FRMD4A: variants seen among roughly 807,000 people sequenced by gnomAD.
FRMD4A encodes the protein FERM domain-containing protein 4A.
Under a neutral mutation model 129.1 loss-of-function variants are expected in FRMD4A, and 29 were observed. The ratio of observed to expected loss-of-function variants is 0.22; its 90% CI spans 0.17 to 0.31. The LOEUF (loss-of-function observed/expected upper bound fraction) is 0.31, where lower values mean the gene tolerates loss of function less well. Among genes scored for constraint, FRMD4A ranks in the 10% least tolerant of loss-of-function variants. The pLI is 1.00. For synonymous variants in FRMD4A, 634 were observed against 571.6 expected, an observed-to-expected ratio of 1.11 and a Z score of -1.56; for missense variants, 1,272 against 1,375.8, an observed-to-expected ratio of 0.92 and a Z score of 1.19.
rs185163747 is a variant in FRMD4A at position 13,692,291 on chromosome 10, G to A, written c.1117+1607C>T. Reference sequence around the variant, plus strand: ...AGCCTCCCAAGTAGTGGGCTTATAGGTGTGCACCACCACACTCGGCTAATT... The same window carrying A: ...AGCCTCCCAAGTAGTGGGCTTATAGATGTGCACCACCACACTCGGCTAATT... On this transcript the variant is annotated intron_variant, in intron 15 of 24. Coordinates refer to ENST00000357447, the MANE Select transcript of FRMD4A (RefSeq NM_018027.5). 2.0e-5 allele frequency: 3 copies of A among 152,180 alleles called. No individual in the cohort carries two copies. In the East Asian group the frequency reaches 5.8e-4, roughly 30 times the overall value. 9.4% of individuals were successfully genotyped at this position (152,180 alleles called of 1,614,324 possible).
intron 2 of FRMD4A, among the ~76,000 whole-genome samples, chr10:14,237,067 C>T (rs1206661969): frequency 7.0e-6 from 1 of 142,448 alleles, no homozygotes; most frequent in African/African-American, 2.6e-5. Flanking sequence ...GAGATGGGGT[C>T]TTGCTATGCT....
intron 2 of FRMD4A, among the ~76,000 whole-genome samples, chr10:14,307,745 C>T (rs1436135083): frequency 6.6e-6 from 1 of 152,076 alleles, no homozygotes; most frequent in Non-Finnish European, 1.5e-5. Flanking sequence ...CATTTATATG[C>T]TTTCTCAAGC....
At chr10:14,109,090 G>A (rs1347998833) in intron 2 of FRMD4A, among the ~76,000 whole-genome samples, 1 of 151,940 alleles carries the variant, frequency 6.6e-6, no homozygotes, top group Non-Finnish European at 1.5e-5. Context: ...GGCTCTCCAA[G>A]GGTTGAAGAG....
chr10:14,055,438 TACAC>T (rs71388154), intron 2 of FRMD4A, among the ~76,000 whole-genome samples: 54 of 137,026 alleles, frequency 3.9e-4, no homozygotes, highest in African/African-American at 1.3e-3. Context: ...CTGATCTAGC[TACAC>T]ACACACACAC....
At position 13,983,676 on chromosome 10, in the gene FRMD4A, G is replaced by C. The variant is rs529004273; in HGVS notation, c.46-124764C>G. ...AGACCAGGAGATACCTAGGAGGTGAGAGCCATCTGTTAGATCTGTTAATGT... is the reference window on the plus strand; with the variant it reads ...AGACCAGGAGATACCTAGGAGGTGACAGCCATCTGTTAGATCTGTTAATGT... On this transcript the variant is annotated intron_variant, in intron 2 of 24. Transcript: ENST00000357447. Among the ~76,000 whole-genome samples, 3 of 152,190 alleles carry C rather than the reference G, an allele frequency of 2.0e-5. No homozygotes were observed. In the East Asian group the frequency reaches 5.8e-4, roughly 30 times the overall value.
intron 2 of FRMD4A, among the ~76,000 whole-genome samples, chr10:14,260,378 C>T (rs746864182): frequency 2.6e-5 from 4 of 152,202 alleles, no homozygotes; most frequent in Non-Finnish European, 5.9e-5. Flanking sequence ...CAAATATTGA[C>T]ACCACATGGT....
At chr10:13,741,442 C>A (rs765987072) in intron 9 of FRMD4A, among the ~76,000 whole-genome samples, 1 of 152,004 alleles carries the variant, frequency 6.6e-6, no homozygotes, top group Non-Finnish European at 1.5e-5. Flanking sequence ...CAGAGTGAGA[C>A]CCTGGCTCAA....
chr10:13,676,405 G>C (rs527588829), intron 15 of FRMD4A, among the ~76,000 whole-genome samples: 1 of 150,510 alleles, frequency 6.6e-6, no homozygotes, highest in South Asian at 2.1e-4. Flanking sequence ...TGGGATTACA[G>C]GCACCCGCCA....
intron 21 of FRMD4A, among the ~76,000 whole-genome samples, 173 bp from the exon 22 acceptor site, chr10:13,657,695 C>T (rs899416518): frequency 2.0e-5 from 3 of 152,056 alleles, no homozygotes; most frequent in Admixed American, 6.5e-5. Flanking sequence ...CCGGGAACTG[C>T]CCATTGCGGG....
At chr10:14,116,555 TA>T (rs766413562) in intron 2 of FRMD4A, among the ~76,000 whole-genome samples, 2 of 152,138 alleles carry the variant, frequency 1.3e-5, no homozygotes, top group Non-Finnish European at 2.9e-5. Context: ...GAGATGGCCA[TA>T]GGGGTGGAGG....
Position 14,139,368 on chromosome 10 carries a change from C to G in FRMD4A, c.45+190690G>C, listed in dbSNP as rs543750804. Among the ~76,000 whole-genome samples, 92 of 150,752 alleles carry G rather than the reference C, an allele frequency of 6.1e-4. 1 individual carries two copies. The highest frequency in any genetic ancestry group is 2.2e-3 in the African/African-American group (90 of 41,136). ...GTTGCTGAAGTCATAAGCTAAGCAACCTTATGTCCTTATGTCCTTATCTAT... is the reference window on the plus strand; with the variant it reads ...GTTGCTGAAGTCATAAGCTAAGCAAGCTTATGTCCTTATGTCCTTATCTAT... On this transcript the variant is annotated intron_variant, in intron 2 of 24. Transcript: ENST00000357447.
At chr10:13,884,166 ACTCACACACT>A (rs2094584086) in intron 2 of FRMD4A, among the ~76,000 whole-genome samples, 1 of 44,978 alleles carries the variant, frequency 2.2e-5, no homozygotes, top group African/African-American at 8.1e-5. Context: ...TCACACACAC[ACTCACACACT>A]CACACACACA....
chr10:14,087,836 A>ACAGTGC (rs1325404481), intron 2 of FRMD4A, among the ~76,000 whole-genome samples: 17 of 152,218 alleles, frequency 1.1e-4, no homozygotes, highest in African/African-American at 3.9e-4. Flanking sequence ...AATCTAAACA[A>ACAGTGC]CAGTGCCGTG....
At chr10:13,749,303 G>GACAC in intron 8 of FRMD4A, among the ~76,000 whole-genome samples, 1 of 152,288 alleles carries the variant, frequency 6.6e-6, no homozygotes, top group African/African-American at 2.4e-5. Context: ...TGGCCACCAG[G>GACAC]ACACTGGGCA....
chr10:13,899,550 T>C (rs1018568213), intron 2 of FRMD4A, among the ~76,000 whole-genome samples: 7 of 152,126 alleles, frequency 4.6e-5, no homozygotes, highest in Non-Finnish European at 1.0e-4. Flanking sequence ...TTCCAGCACT[T>C]TTTCTGGCAG....
chr10:13,718,904 G>A (rs964446165), intron 12 of FRMD4A, among the ~76,000 whole-genome samples: 2 of 152,168 alleles, frequency 1.3e-5, no homozygotes, highest in African/African-American at 2.4e-5. Context: ...AAATTTCCTT[G>A]AGTATGTTTT....
intron 2 of FRMD4A, among the ~76,000 whole-genome samples, chr10:14,293,557 C>G (rs1191047017): frequency 6.6e-6 from 1 of 151,760 alleles, no homozygotes; most frequent in Non-Finnish European, 1.5e-5. Flanking sequence ...TCACCTAACA[C>G]TTAGCATTGT....
intron 13 of FRMD4A, among the ~76,000 whole-genome samples, chr10:13,703,993 G>A (rs2087136196): frequency 6.6e-6 from 1 of 152,048 alleles, no homozygotes; most frequent in Non-Finnish European, 1.5e-5. Flanking sequence ...GACAAAGTGA[G>A]ACTCTGTCTC....
chr10:14,121,668 A>G (rs1279204350), intron 2 of FRMD4A, among the ~76,000 whole-genome samples: 1 of 152,182 alleles, frequency 6.6e-6, no homozygotes, highest in Non-Finnish European at 1.5e-5. Flanking sequence ...CTCCCCTGGA[A>G]CTTCTGATTT....
Sources: allele counts gnomAD v4.1 joint callset (sites outside exome capture counted in the v4.1 genomes callset), GRCh38; gene constraint gnomAD v4.1.1; transcripts MANE v1.5; gene names NCBI Gene and HGNC (gene_info 2026-07-23, HGNC 2026-07-21).